Variants in PPM1H observed in about 807,000 individuals in gnomAD.
PPM1H encodes the protein protein phosphatase, Mg2+/Mn2+ dependent 1H.
Under a neutral mutation model 54.9 loss-of-function variants are expected in PPM1H, and 27 were observed. The ratio of observed to expected loss-of-function variants is 0.49; its 90% CI spans 0.36 to 0.68. The LOEUF is 0.68. Among genes scored for constraint, PPM1H ranks in the 30% least tolerant of loss-of-function variants. The pLI is 0.00. For synonymous variants in PPM1H, 305 were observed against 270.8 expected, an observed-to-expected ratio of 1.13 and a Z score of -1.24; for missense variants, 596 against 667.8, an observed-to-expected ratio of 0.89 and a Z score of 1.19.
chr12:62,704,086 T>C (rs1297765708), intron 6 of PPM1H, among the ~76,000 whole-genome samples: 2 of 152,068 alleles, frequency 1.3e-5, no homozygotes, highest in East Asian at 3.9e-4. Flanking sequence ...TGTCATCTTT[T>C]AGAGTCTTTT....
intron 4 of PPM1H, among the ~76,000 whole-genome samples, chr12:62,750,285 T>C (rs2076435457): frequency 6.6e-6 from 1 of 152,230 alleles, no homozygotes; most frequent in Non-Finnish European, 1.5e-5. Flanking sequence ...TCCCCATCTC[T>C]CCTTCGTTCT....
chr12:62,899,064 C>T (rs1871081306), intron 1 of PPM1H, among the ~76,000 whole-genome samples: 1 of 152,190 alleles, frequency 6.6e-6, no homozygotes, highest in African/African-American at 2.4e-5. Flanking sequence ...CATATATTAA[C>T]AGTAATACGT....
chr12:62,743,482 T>C (rs1374920737), intron 4 of PPM1H, among the ~76,000 whole-genome samples: 2 of 152,142 alleles, frequency 1.3e-5, no homozygotes, highest in Admixed American at 1.3e-4. Flanking sequence ...CCGCTACTTC[T>C]CTCCTCTAAT....
At chr12:62,659,021 C>T (rs2075864123) in intron 9 of PPM1H, 2 of 725,148 alleles carry the variant, frequency 2.8e-6, no homozygotes, top group Non-Finnish European at 5.1e-6. Flanking sequence ...AAAAACAGCA[C>T]ATGCTGCCCA....
At chr12:62,905,758 T>C (rs1453912106) in intron 1 of PPM1H, among the ~76,000 whole-genome samples, 1 of 152,178 alleles carries the variant, frequency 6.6e-6, no homozygotes, top group Non-Finnish European at 1.5e-5. Flanking sequence ...ATTCGCTAAA[T>C]GTTCTAAGAG....
intron 1 of PPM1H, among the ~76,000 whole-genome samples, chr12:62,919,428 G>A (rs528806956): frequency 4.6e-5 from 7 of 152,166 alleles, no homozygotes; most frequent in South Asian, 2.1e-4. Flanking sequence ...TAAATGTTGC[G>A]GGGTGGGGGC....
intron 4 of PPM1H, among the ~76,000 whole-genome samples, chr12:62,747,387 C>T (rs1037688649): frequency 1.3e-5 from 2 of 152,156 alleles, no homozygotes; most frequent in Non-Finnish European, 2.9e-5. Context: ...CCACCCGCCT[C>T]GGCCTCCCAA....
intron 1 of PPM1H, among the ~76,000 whole-genome samples, chr12:62,919,433 G>C (rs1280715001): frequency 6.6e-6 from 1 of 152,078 alleles, no homozygotes; most frequent in African/African-American, 2.4e-5. Context: ...GTTGCGGGGT[G>C]GGGGCTGGGG....
intron 6 of PPM1H, among the ~76,000 whole-genome samples, chr12:62,717,170 G>T (rs76186572): frequency 0.013 from 2,042 of 152,242 alleles, 44 homozygotes; most frequent in East Asian, 0.086. Flanking sequence ...AGGTTCTTCT[G>T]ACAAAGATGT....
At chr12:62,706,330 G>A (rs1039843021) in intron 6 of PPM1H, among the ~76,000 whole-genome samples, 2 of 152,162 alleles carry the variant, frequency 1.3e-5, no homozygotes, top group African/African-American at 2.4e-5. Context: ...AGGCCGCCAA[G>A]GCAAGAAGCG....
chr12:62,806,694 T>C (rs2076807621), intron 2 of PPM1H, among the ~76,000 whole-genome samples: 1 of 152,174 alleles, frequency 6.6e-6, no homozygotes, highest in Non-Finnish European at 1.5e-5. Context: ...CTGCTTCCCC[T>C]TCACCTTCCA....
chr12:62,732,658 G>C, intron 5 of PPM1H, among the ~76,000 whole-genome samples: 1 of 149,764 alleles, frequency 6.7e-6, no homozygotes, highest in East Asian at 2.0e-4. Context: ...TGCAAGTTCT[G>C]CCTCCCGGGT....
chr12:62,832,099 C>A lies in PPM1H; in HGVS notation c.411+15G>T, dbSNP rs755889247. The A allele has an allele frequency of 1.6e-5, 26 of 1,612,262 alleles. No individual in the cohort carries two copies. The highest frequency in any genetic ancestry group is 8.5e-7 in the Non-Finnish European group (1 of 1,178,566). ...TTCTTCTCACCTGAGAACCAAGGAT[C>A]GAGAAGGGTCTTACCGAGTTCTCCT... On this transcript the variant is annotated intron_variant, in intron 2 of 9. Transcript: ENST00000228705.
intron 1 of PPM1H, among the ~76,000 whole-genome samples, chr12:62,910,667 C>T (rs772556): frequency 0.33 from 49,603 of 151,970 alleles, 9,683 homozygotes; most frequent in Non-Finnish European, 0.45. Context: ...AATTAGCTGA[C>T]GAAGGAAGGG....
intron 1 of PPM1H, among the ~76,000 whole-genome samples, chr12:62,930,281 A>G (rs1030600034): frequency 6.6e-6 from 1 of 152,234 alleles, no homozygotes; most frequent in Non-Finnish European, 1.5e-5. Flanking sequence ...TACATTTAAC[A>G]GACACTCTCA....
At chr12:62,739,346 T>A (rs1050241410) in intron 4 of PPM1H, among the ~76,000 whole-genome samples, 4 of 148,710 alleles carry the variant, frequency 2.7e-5, no homozygotes, top group African/African-American at 4.9e-5. Flanking sequence ...AGTATGACTA[T>A]AACAAGGGAG....
intron 9 of PPM1H, among the ~76,000 whole-genome samples, chr12:62,657,398 G>C (rs1231611431): frequency 6.6e-6 from 1 of 152,140 alleles, no homozygotes; most frequent in Non-Finnish European, 1.5e-5. Flanking sequence ...GGGCCACACA[G>C]CTCTGCCACA....
At chr12:62,865,871 A>G (rs918088858) in intron 1 of PPM1H, among the ~76,000 whole-genome samples, 1 of 152,218 alleles carries the variant, frequency 6.6e-6, no homozygotes, top group Admixed American at 6.5e-5. Flanking sequence ...CAGACTCCCT[A>G]TAAGACCCAG....
At chr12:62,728,410 A>G (rs1005320894) in intron 5 of PPM1H, among the ~76,000 whole-genome samples, 3 of 152,188 alleles carry the variant, frequency 2.0e-5, no homozygotes, top group African/African-American at 7.2e-5. Context: ...ATGTCTTTCT[A>G]TGGCCACTCT....
Sources: allele counts gnomAD v4.1 joint callset (sites outside exome capture counted in the v4.1 genomes callset), GRCh38; gene constraint gnomAD v4.1.1; transcripts MANE v1.5; gene names NCBI Gene and HGNC (gene_info 2026-07-23, HGNC 2026-07-21).